Variants in VSTM2A observed in about 807,000 individuals in gnomAD.
VSTM2A encodes V-set and transmembrane domain containing 2A.
VSTM2A carries 13 observed loss-of-function variants against 27.3 expected under a neutral mutation model. The observed-to-expected ratio is 0.48, with a 90% CI of 0.31 to 0.76. VSTM2A has a LOEUF of 0.76. Ranked by LOEUF, VSTM2A falls within the 30% of genes least tolerant of loss-of-function variation. VSTM2A has a pLI of 0.05. For missense variants in VSTM2A, 280 were observed against 310.0 expected, an observed-to-expected ratio of 0.90 and a Z score of 0.73; for synonymous variants, 142 against 125.7, an observed-to-expected ratio of 1.13 and a Z score of -0.87.
At chr7:54,546,821 C>T (rs1198609264) in intron 2 of VSTM2A, 126 bp from the exon 3 acceptor site, 3 of 1,322,464 alleles carry the variant, frequency 2.3e-6, no homozygotes, top group East Asian at 2.7e-5. Context: ...GGCCACGCCC[C>T]TGGTCGCTCC....
chr7:54,565,924 A>G (rs576167251), intron 4 of VSTM2A, among the ~76,000 whole-genome samples: 99 of 152,270 alleles, frequency 6.5e-4, no homozygotes, highest in African/African-American at 2.1e-3. Context: ...TGGGGAGGCA[A>G]GGCCCACACC....
At chr7:54,548,737 T>C (rs1247999412) in intron 3 of VSTM2A, among the ~76,000 whole-genome samples, 1 of 152,148 alleles carries the variant, frequency 6.6e-6, no homozygotes, top group Non-Finnish European at 1.5e-5. Flanking sequence ...CATAAACCCA[T>C]AGGGTTCAAA....
At chr7:54,564,275 C>G (rs1178254498) in intron 4 of VSTM2A, among the ~76,000 whole-genome samples, 1 of 152,176 alleles carries the variant, frequency 6.6e-6, no homozygotes, top group African/African-American at 2.4e-5. Flanking sequence ...TCAGACCATG[C>G]AGCCACAGTG....
At chr7:54,546,134 TAGAGA>T (rs1302980928) in intron 2 of VSTM2A, 1 of 103,102 alleles carries the variant, frequency 9.7e-6, no homozygotes, top group Non-Finnish European at 2.0e-5. Context: ...GAGAGAGGAG[TAGAGA>T]AGAGGCAGGG....
chr7:54,543,011 G>A (rs1787835304), intron 1 of VSTM2A, among the ~76,000 whole-genome samples: 1 of 152,094 alleles, frequency 6.6e-6, no homozygotes, highest in Admixed American at 6.6e-5. Flanking sequence ...AATCTAGCTG[G>A]TGCCTGACAA....
chr7:54,543,922 G>C (rs1213924458), intron 1 of VSTM2A, among the ~76,000 whole-genome samples: 1 of 152,164 alleles, frequency 6.6e-6, no homozygotes, highest in Non-Finnish European at 1.5e-5. Flanking sequence ...TAATGAAAAG[G>C]CTGAGAAACA....
chr7:54,559,037 T>C (rs905694285), intron 4 of VSTM2A: 2 of 152,104 alleles, frequency 1.3e-5, no homozygotes, highest in African/African-American at 4.8e-5. Flanking sequence ...TTACAGATGC[T>C]GTGATTATGT....
intron 4 of VSTM2A, among the ~76,000 whole-genome samples, chr7:54,562,873 G>A (rs545613905): frequency 2.5e-4 from 38 of 152,258 alleles, no homozygotes; most frequent in East Asian, 1.4e-3. Flanking sequence ...CTACCTATGC[G>A]TGATTAATAA....
At chr7:54,553,089 A>G (rs1030770161) in intron 4 of VSTM2A, among the ~76,000 whole-genome samples, 2 of 152,272 alleles carry the variant, frequency 1.3e-5, no homozygotes, top group African/African-American at 4.8e-5. Context: ...TTACATGAAT[A>G]GAAGAAGATG....
chr7:54,546,054 G>A (rs572214566), intron 2 of VSTM2A: 3 of 141,964 alleles, frequency 2.1e-5, no homozygotes, highest in Non-Finnish European at 3.1e-5. Context: ...GCACAGAAGG[G>A]AGAGAGGGAA....
intron 2 of VSTM2A, 110 bp from the exon 3 acceptor site, chr7:54,546,837 C>T (rs1788009705): frequency 6.8e-7 from 1 of 1,463,758 alleles, no homozygotes; most frequent in Non-Finnish European, 9.2e-7. Flanking sequence ...GCTCCCCTGT[C>T]CCCAGGTCAC....
rs531921428 is a variant in VSTM2A at position 54,549,853 on chromosome 7, A to T, written c.317A>T (p.Asn106Ile). The change falls in exon 4 of 5, where the codon AAT becomes ATT. Residue 106 changes from asparagine to isoleucine, a missense_variant. Asn to Ile is a moderately radical substitution (Grantham distance 149). Coordinates refer to ENST00000402613, the MANE Select transcript of VSTM2A (RefSeq NM_001301009.2). ...TTTCAGACAGTGAAAGTCCAAGGCAATGACATCTCCCACAAGCTTCAGATT... is the reference window on the plus strand; with the variant it reads ...TTTCAGACAGTGAAAGTCCAAGGCATTGACATCTCCCACAAGCTTCAGATT... ...TKISTVKVQGNDISHKLQISK... is the reference protein window; with the variant it reads ...TKISTVKVQGIDISHKLQISK... The T allele has an allele frequency of 3.7e-6, 6 of 1,602,008 alleles. No homozygotes were observed. The Admixed American group carries it at 1.0e-4, about 28-fold the overall frequency.
chr7:54,542,547 T>C lies in VSTM2A; in HGVS notation c.-184T>C. 1.7e-6 allele frequency: 1 copy of C among 592,532 alleles called. No homozygotes were observed. Among genetic ancestry groups the C allele is most frequent in the Non-Finnish European group, 3.0e-6 (1 of 334,246 alleles). The allele number at this position is 592,532 out of a possible 1,614,324, so 36.7% of individuals were successfully genotyped here. A position where few individuals can be genotyped will look rare whatever the true frequency, so the allele number is the denominator to read the frequency against. On this transcript the variant is annotated 5_prime_UTR_variant, in exon 1 of 5. Coordinates refer to ENST00000402613, the MANE Select transcript of VSTM2A (RefSeq NM_001301009.2). ...GAAGCCTCGCTGAATCCCAGCCAGCTGGTTCTAACCTTCCAGAATCGCAAT... is the reference window on the plus strand; with the variant it reads ...GAAGCCTCGCTGAATCCCAGCCAGCCGGTTCTAACCTTCCAGAATCGCAAT...
At chr7:54,553,753 A>AATAGGTTTTT in intron 4 of VSTM2A, 1 of 1,389,484 alleles carries the variant, frequency 7.2e-7, no homozygotes. Flanking sequence ...ACCAGGATGG[A>AATAGGTTTTT]GTGGTTTAGG....
intron 4 of VSTM2A, among the ~76,000 whole-genome samples, chr7:54,565,655 G>A (rs1163364940): frequency 1.3e-5 from 2 of 152,242 alleles, no homozygotes; most frequent in Admixed American, 6.5e-5. Flanking sequence ...GCCCTGTCTG[G>A]CTGGCAACAG....
At chr7:54,563,807 A>C (rs964025898) in intron 4 of VSTM2A, among the ~76,000 whole-genome samples, 1 of 152,236 alleles carries the variant, frequency 6.6e-6, no homozygotes, top group African/African-American at 2.4e-5. Context: ...CAGGGCACAC[A>C]AAATAGGCAA....
chr7:54,542,782 T>C lies in VSTM2A; in HGVS notation c.52T>C (p.Tyr18His), dbSNP rs202150910. 3.7e-6 allele frequency: 6 copies of C among 1,613,814 alleles called. No homozygotes were observed. The African/African-American group carries it at 5.3e-5, about 14-fold the overall frequency. The stretch of plus-strand genomic sequence containing the variant: ...TGGATTTGTTTTCTTTTCCGTTTTA[T>C]ATGTACAACAAGGGCTTTCTTCTCA... ...YVGFVFFSVLYVQQGLSSQAK... is the reference protein window; with the variant it reads ...YVGFVFFSVLHVQQGLSSQAK... The change falls in exon 1 of 5, where the codon TAT (tyrosine) becomes CAT (histidine). Residue 18 changes from tyrosine (Y) to histidine (H), a missense_variant. Physicochemically the swap from Tyr to His is moderately conservative, Grantham distance 83. Coordinates refer to ENST00000402613, the MANE Select transcript of VSTM2A (RefSeq NM_001301009.2).
intron 2 of VSTM2A, 93 bp downstream of exon 2, chr7:54,544,881 A>C: frequency 7.2e-7 from 1 of 1,383,982 alleles, no homozygotes; most frequent in East Asian, 2.5e-5. Flanking sequence ...CTGCCTGGAC[A>C]CCCCTGGGGA....
intron 4 of VSTM2A, chr7:54,551,704 T>A (rs1419813794): frequency 6.6e-6 from 1 of 152,156 alleles, no homozygotes; most frequent in African/African-American, 2.4e-5. Context: ...TTTGGAGTGA[T>A]TTTCCCCTCT....
Sources: allele counts gnomAD v4.1 joint callset (sites outside exome capture counted in the v4.1 genomes callset), GRCh38; gene constraint gnomAD v4.1.1; transcripts MANE v1.5; gene names NCBI Gene and HGNC (gene_info 2026-07-23, HGNC 2026-07-21).